OTOGL: variants seen among roughly 807,000 people sequenced by gnomAD.
The protein encoded by OTOGL is otogelin-like protein.
In OTOGL, 285 loss-of-function variants were observed where a neutral mutation model predicts 318.5. That is an observed-to-expected ratio of 0.89 (90% confidence interval 0.81 to 0.99). OTOGL has a LOEUF of 0.99. OTOGL is among the 50% of genes least tolerant of loss of function. The probability of loss-of-function intolerance (pLI) is 0.00; values close to 1 mark genes in which losing one functional copy is unlikely to be tolerated. For missense variants in OTOGL, 2,899 were observed against 2,845.6 expected, an observed-to-expected ratio of 1.02 and a Z score of -0.43; for synonymous variants, 987 against 936.5, an observed-to-expected ratio of 1.05 and a Z score of -0.99.
At position 80,320,648 on chromosome 12, in the gene OTOGL, A is replaced by C. The variant is rs1271884853; in HGVS notation, c.4029A>C (p.Ser1343=). 6.2e-7 allele frequency: 1 copy of C among 1,608,832 alleles called. No homozygotes were observed. Among genetic ancestry groups the C allele is most frequent in the Non-Finnish European group, 8.5e-7 (1 of 1,177,270 alleles). Residue 1343 remains serine, a synonymous_variant, in exon 34 of 59, where the codon TCA becomes TCC. Transcript: ENST00000547103. The part of the protein sequence containing the change: ...IIFTDSSVKA[S]KYDDSEEFKH... Reference sequence around the variant, plus strand: ...TCACAGATTCTAGTGTCAAAGCATCAAAATATGATGATTCTGAAGAATTTA... The same window carrying C: ...TCACAGATTCTAGTGTCAAAGCATCCAAATATGATGATTCTGAAGAATTTA...
At chr12:80,192,366 A>G (rs1875753201) in intron 1 of OTOGL, among the ~76,000 whole-genome samples, 1 of 152,210 alleles carries the variant, frequency 6.6e-6, no homozygotes, top group African/African-American at 2.4e-5. Context: ...GCCATAGCCT[A>G]AGATCAGGCA....
At chr12:80,312,415 C>A (rs1398448246) in intron 30 of OTOGL, among the ~76,000 whole-genome samples, 6 of 152,168 alleles carry the variant, frequency 3.9e-5, no homozygotes, top group African/African-American at 1.4e-4. Flanking sequence ...TCATGTTATT[C>A]ATGTAAACAT....
At chr12:80,208,376 A>G (rs1041311888) in intron 1 of OTOGL, 1 of 380,724 alleles carries the variant, frequency 2.6e-6, no homozygotes, top group Admixed American at 3.5e-5. Context: ...TGGGTACAAC[A>G]GGATATTAAC....
intron 7 of OTOGL, among the ~76,000 whole-genome samples, chr12:80,228,891 T>C (rs1291884157): frequency 6.6e-6 from 1 of 152,184 alleles, no homozygotes; most frequent in Non-Finnish European, 1.5e-5. Context: ...AAGCTCTGTT[T>C]TATGATTCTC....
intron 1 of OTOGL, among the ~76,000 whole-genome samples, chr12:80,158,217 C>G (rs1163310166): frequency 1.3e-5 from 2 of 152,086 alleles, no homozygotes; most frequent in Non-Finnish European, 2.9e-5. Context: ...CTGACTTGAA[C>G]TGACATGAAG....
At chr12:80,367,810 A>G in intron 54 of OTOGL, 71 bp downstream of exon 54, 1 of 1,037,768 alleles carries the variant, frequency 9.6e-7, no homozygotes, top group Non-Finnish European at 1.3e-6. Flanking sequence ...TAGAATTTGA[A>G]ATGGTGAATA....
chr12:80,341,397 A>G (rs909087419), intron 43 of OTOGL, among the ~76,000 whole-genome samples: 3 of 152,192 alleles, frequency 2.0e-5, no homozygotes, highest in Non-Finnish European at 4.4e-5. Flanking sequence ...TGCCTGGATT[A>G]CCTGGAACAG....
intron 1 of OTOGL, among the ~76,000 whole-genome samples, chr12:80,149,989 T>C (rs1212605335): frequency 6.6e-6 from 1 of 152,108 alleles, no homozygotes; most frequent in South Asian, 2.1e-4. Context: ...GTACCTCAGA[T>C]GGAAATGCAG....
intron 4 of OTOGL, among the ~76,000 whole-genome samples, chr12:80,215,387 G>A (rs907873746): frequency 3.9e-5 from 6 of 151,902 alleles, no homozygotes; most frequent in Non-Finnish European, 8.8e-5. Context: ...GGCTGGTCTT[G>A]AACTCCTGAC....
intron 1 of OTOGL, among the ~76,000 whole-genome samples, chr12:80,100,405 T>G (rs1191395023): frequency 6.6e-6 from 1 of 152,178 alleles, no homozygotes; most frequent in Non-Finnish European, 1.5e-5. Context: ...TCATTATACA[T>G]TATATCTTTT....
intron 25 of OTOGL, 61 bp downstream of exon 25, chr12:80,278,336 C>A: frequency 7.7e-7 from 1 of 1,304,264 alleles, no homozygotes; most frequent in Non-Finnish European, 1.1e-6. Context: ...TTTCAATCAT[C>A]TTTTATTTAT....
intron 11 of OTOGL, among the ~76,000 whole-genome samples, chr12:80,249,537 T>G (rs1881282782): frequency 1.3e-5 from 2 of 151,868 alleles, no homozygotes; most frequent in Admixed American, 1.3e-4. Flanking sequence ...GATCTCCAGC[T>G]GCGTGCTGGG....
intron 1 of OTOGL, among the ~76,000 whole-genome samples, chr12:80,199,830 A>C (rs997505561): frequency 2.0e-5 from 3 of 152,170 alleles, no homozygotes; most frequent in Admixed American, 2.0e-4. Context: ...GCAGCACATT[A>C]CTATCAGATA....
chr12:80,302,648 T>C lies in OTOGL; in HGVS notation c.3078T>C (p.Phe1026=). Reference sequence around the variant, plus strand: ...TTGTTTTTAAGAAACAATCAGGTTTTTTTCTGGAAAACAAATCTACCTACC... The same window carrying C: ...TTGTTTTTAAGAAACAATCAGGTTTCTTTCTGGAAAACAAATCTACCTACC... ...DTPYKQKQSG[F]FLENKSTYQL... The change falls in exon 28 of 59, where the codon TTT becomes TTC. Residue 1026 remains phenylalanine (F), a synonymous_variant. Transcript: ENST00000547103. 15 of 1,376,632 alleles carry C rather than the reference T, an allele frequency of 1.1e-5. No homozygotes were observed. Among genetic ancestry groups the C allele is most frequent in the Non-Finnish European group, 1.3e-5 (14 of 1,061,620 alleles). The allele number at this position is 1,376,632 out of a possible 1,614,324, so 85.3% of individuals were successfully genotyped here. A position where few individuals can be genotyped will look rare whatever the true frequency, so the allele number is the denominator to read the frequency against.
intron 11 of OTOGL, among the ~76,000 whole-genome samples, chr12:80,240,626 CAA>C (rs1880293840): frequency 6.6e-6 from 1 of 151,132 alleles, no homozygotes; most frequent in African/African-American, 2.5e-5. Flanking sequence ...AGACATGTGA[CAA>C]AGTCACTGAT....
chr12:80,251,381 G>C (rs1881531730), intron 11 of OTOGL, among the ~76,000 whole-genome samples: 1 of 152,044 alleles, frequency 6.6e-6, no homozygotes, highest in Admixed American at 6.6e-5. Context: ...ACGGATTATG[G>C]GGAAAATGTT....
chr12:80,220,550 TTTAA>T (rs1878212379), intron 6 of OTOGL, among the ~76,000 whole-genome samples: 2 of 145,802 alleles, frequency 1.4e-5, no homozygotes, highest in South Asian at 4.4e-4. Context: ...CTTTTGGACC[TTTAA>T]TTAACTGGAC....
chr12:80,300,380 G>A (rs986643428), intron 27 of OTOGL, among the ~76,000 whole-genome samples: 1 of 152,004 alleles, frequency 6.6e-6, no homozygotes, highest in Non-Finnish European at 1.5e-5. Context: ...CAAGTGGAGC[G>A]TAGCAGTGGT....
intron 33 of OTOGL, among the ~76,000 whole-genome samples, chr12:80,320,023 ATT>A (rs1887218048): frequency 6.6e-6 from 1 of 152,154 alleles, no homozygotes; most frequent in African/African-American, 2.4e-5. Flanking sequence ...AAGTTTAGCC[ATT>A]AGTAGGTTTT....
Sources: gnomAD v4.1 joint callset for allele counts (sites outside exome capture counted in the v4.1 genomes callset) on GRCh38, gnomAD v4.1.1 for gene constraint, MANE v1.5 for transcripts, NCBI Gene and HGNC (gene_info 2026-07-23, HGNC 2026-07-21) for gene names.